The following SMYD3 variants were observed in gnomAD, a reference collection of about 807,000 sequenced individuals.
SMYD3 encodes the protein SET and MYND domain containing 3, also known as histone-lysine N-methyltransferase SMYD3.
Under a neutral mutation model 57.7 loss-of-function variants are expected in SMYD3, and 36 were observed. The observed-to-expected ratio is 0.62, with a 90% CI of 0.48 to 0.82. The LOEUF (loss-of-function observed/expected upper bound fraction) is 0.82, where lower values mean the gene tolerates loss of function less well. Among genes scored for constraint, SMYD3 ranks in the 40% least tolerant of loss-of-function variants. The pLI, the probability that SMYD3 is intolerant of heterozygous loss-of-function variation, is 0.00. For synonymous variants in SMYD3, 211 were observed against 195.0 expected (o/e 1.08, Z -0.68); for missense variants, 515 against 538.8 (o/e 0.96, Z 0.44).
chr1:246,247,094 C>G (rs895239303), intron 5 of SMYD3, among the ~76,000 whole-genome samples: 2 of 152,056 alleles, frequency 1.3e-5, no homozygotes, highest in Non-Finnish European at 2.9e-5. Flanking sequence ...CTTAATTTGG[C>G]AGCTGATCTG....
At chr1:245,795,248 G>T (rs2047473865) in intron 10 of SMYD3, among the ~76,000 whole-genome samples, 2 of 152,178 alleles carry the variant, frequency 1.3e-5, no homozygotes, top group Admixed American at 6.5e-5. Flanking sequence ...CCTGTGTCTG[G>T]GATCTTATAC....
At chr1:246,103,496 CCA>C (rs1558230992) in intron 5 of SMYD3, among the ~76,000 whole-genome samples, 2 of 151,920 alleles carry the variant, frequency 1.3e-5, no homozygotes, top group South Asian at 2.1e-4. Flanking sequence ...TTCCCAAACC[CCA>C]CTCATTCACT....
At chr1:246,353,318 A>C (rs1393130383) in intron 2 of SMYD3, among the ~76,000 whole-genome samples, 1 of 152,182 alleles carries the variant, frequency 6.6e-6, no homozygotes, top group Non-Finnish European at 1.5e-5. Context: ...ACTAGAGCTC[A>C]GGAGTTTAAC....
At chr1:246,158,386 T>C (rs1445741421) in intron 5 of SMYD3, among the ~76,000 whole-genome samples, 6 of 152,216 alleles carry the variant, frequency 3.9e-5, no homozygotes, top group Non-Finnish European at 8.8e-5. Flanking sequence ...ATATATGTGA[T>C]GGAGAATTTT....
chr1:245,861,184 T>C (rs888297762), intron 9 of SMYD3, among the ~76,000 whole-genome samples: 3 of 152,284 alleles, frequency 2.0e-5, no homozygotes, highest in South Asian at 4.2e-4. Flanking sequence ...AAGAGGCTTT[T>C]CCCCCCAAGC....
intron 5 of SMYD3, among the ~76,000 whole-genome samples, chr1:246,021,974 G>A (rs1447615468): frequency 2.6e-5 from 4 of 152,286 alleles, no homozygotes; most frequent in East Asian, 1.9e-4. Context: ...CATAATCAGC[G>A]TTTCCTCTCC....
intron 2 of SMYD3, among the ~76,000 whole-genome samples, chr1:246,352,535 C>G (rs1194796476): frequency 2.0e-5 from 3 of 152,148 alleles, no homozygotes; most frequent in Non-Finnish European, 4.4e-5. Context: ...ATGTTCTGGC[C>G]AATCTTTAAC....
At chr1:246,077,676 G>T (rs907914710) in intron 5 of SMYD3, among the ~76,000 whole-genome samples, 2 of 151,806 alleles carry the variant, frequency 1.3e-5, no homozygotes, top group South Asian at 2.1e-4. Context: ...ATTAATACAG[G>T]ATTTCCTTTG....
At chr1:246,308,777 A>C (rs2065028772) in intron 5 of SMYD3, among the ~76,000 whole-genome samples, 1 of 152,188 alleles carries the variant, frequency 6.6e-6, no homozygotes. Flanking sequence ...TATACTCGGG[A>C]TTCTGCTGTC....
At chr1:245,862,017 C>A (rs984965849) in intron 9 of SMYD3, among the ~76,000 whole-genome samples, 1 of 152,084 alleles carries the variant, frequency 6.6e-6, no homozygotes, top group Non-Finnish European at 1.5e-5. Context: ...AGGGACCACA[C>A]AGAACAGGTC....
At chr1:245,763,992 A>AG in intron 11 of SMYD3, 49 bp downstream of exon 11, 1 of 1,412,040 alleles carries the variant, frequency 7.1e-7, no homozygotes, top group Non-Finnish European at 1.0e-6. Context: ...CAGCAACAGC[A>AG]GAAAAAAAGG....
At chr1:246,369,185 C>A (rs976048411) in intron 1 of SMYD3, among the ~76,000 whole-genome samples, 1 of 152,152 alleles carries the variant, frequency 6.6e-6, no homozygotes, top group Non-Finnish European at 1.5e-5. Flanking sequence ...AACTATTACT[C>A]ATTATCATCA....
intron 8 of SMYD3, among the ~76,000 whole-genome samples, chr1:245,899,471 T>C (rs1223413780): frequency 1.3e-5 from 2 of 152,164 alleles, no homozygotes; most frequent in Non-Finnish European, 2.9e-5. Flanking sequence ...GGCTGTCTAG[T>C]GTAATTCTTT....
At chr1:245,841,018 G>T (rs1239424272) in intron 10 of SMYD3, among the ~76,000 whole-genome samples, 1 of 152,076 alleles carries the variant, frequency 6.6e-6, no homozygotes, top group African/African-American at 2.4e-5. Flanking sequence ...CTTAACTTTG[G>T]GAGATACTGT....
chr1:245,883,803 A>G (rs4654153), intron 8 of SMYD3, among the ~76,000 whole-genome samples: 151,952 of 152,316 alleles, frequency 1, 75,797 homozygotes, highest in Middle Eastern at 1. Flanking sequence ...ATATACTAGG[A>G]ACTTCTTCTA....
intron 10 of SMYD3, among the ~76,000 whole-genome samples, chr1:245,777,192 T>C (rs539385185): frequency 6.6e-6 from 1 of 152,296 alleles, no homozygotes; most frequent in South Asian, 2.1e-4. Context: ...ATACAGTTAG[T>C]GCCTTTGCCT....
chr1:245,787,570 T>C (rs1231715053), intron 10 of SMYD3, among the ~76,000 whole-genome samples: 1 of 151,876 alleles, frequency 6.6e-6, no homozygotes, highest in East Asian at 1.9e-4. Flanking sequence ...AAGTTCCCTC[T>C]TTACCCAGTC....
chr1:246,209,642 T>C (rs2148389419), intron 5 of SMYD3, among the ~76,000 whole-genome samples: 1 of 152,296 alleles, frequency 6.6e-6, no homozygotes, highest in Non-Finnish European at 1.5e-5. Context: ...GCTTTTTGTT[T>C]TCAGTGAAAG....
intron 5 of SMYD3, among the ~76,000 whole-genome samples, chr1:246,313,667 G>A (rs749210047): frequency 4.6e-5 from 7 of 152,048 alleles, no homozygotes; most frequent in Non-Finnish European, 7.4e-5. Context: ...TACTTGACAA[G>A]TATTTATTCA....
Sources: gnomAD v4.1 joint callset for allele counts (sites outside exome capture counted in the v4.1 genomes callset) on GRCh38, gnomAD v4.1.1 for gene constraint, MANE v1.5 for transcripts, NCBI Gene and HGNC (gene_info 2026-07-23, HGNC 2026-07-21) for gene names.